The following VOPP1 variants were observed in gnomAD, a reference collection of about 807,000 sequenced individuals.
VOPP1 encodes WW domain binding protein VOPP1.
A neutral mutation model predicts 23.5 loss-of-function variants in VOPP1; 8 were observed. That is an observed-to-expected ratio of 0.34 (90% CI 0.20 to 0.61). The LOEUF (loss-of-function observed/expected upper bound fraction) is 0.61, where lower values mean the gene tolerates loss of function less well. Among genes scored for constraint, VOPP1 ranks in the 20% least tolerant of loss-of-function variants. The pLI is 0.78. For synonymous variants in VOPP1, 83 were observed against 97.3 expected (o/e 0.85, Z 0.86); for missense variants, 174 against 238.1 (o/e 0.73, Z 1.77).
At chr7:55,469,314 A>G (rs1217364245), downstream of VOPP1, among the ~76,000 whole-genome samples, 1 of 152,130 alleles carries the variant, frequency 6.6e-6, no homozygotes, top group Non-Finnish European at 1.5e-5. Context: ...CCTGAAGCTG[A>G]TGTATTTGAG....
intron 2 of VOPP1, among the ~76,000 whole-genome samples, chr7:55,507,429 C>A (rs1794803775): frequency 6.6e-6 from 1 of 151,986 alleles, no homozygotes; most frequent in African/African-American, 2.4e-5. Flanking sequence ...TTTTTTTTAA[C>A]AGCTTTATTG....
chr7:55,513,303 A>C (rs1203264888), intron 2 of VOPP1, among the ~76,000 whole-genome samples: 2 of 152,198 alleles, frequency 1.3e-5, no homozygotes, highest in Non-Finnish European at 2.9e-5. Context: ...GTACTAGGTA[A>C]GCCATGACAC....
intron 1 of VOPP1, among the ~76,000 whole-genome samples, chr7:55,571,264 T>G (rs1798344288): frequency 6.6e-6 from 1 of 152,188 alleles, no homozygotes; most frequent in Non-Finnish European, 1.5e-5. Flanking sequence ...CAGGAAACAC[T>G]TTTCCTCCAA....
chr7:55,497,573 G>C, intron 3 of VOPP1, 40 bp downstream of exon 3: 14 of 1,199,798 alleles, frequency 1.2e-5, no homozygotes, highest in East Asian at 2.7e-5. Context: ...GGGGGGGGCA[G>C]AGCTCTCGGG....
intron 4 of VOPP1, among the ~76,000 whole-genome samples, chr7:55,490,597 G>A (rs1226025294): frequency 6.6e-6 from 1 of 152,192 alleles, no homozygotes; most frequent in African/African-American, 2.4e-5. Context: ...CATGCCAAGT[G>A]GGGCAGGGGC....
At chr7:55,515,782 C>T (rs947203809) in intron 2 of VOPP1, among the ~76,000 whole-genome samples, 10 of 152,220 alleles carry the variant, frequency 6.6e-5, no homozygotes, top group African/African-American at 2.4e-4. Flanking sequence ...CCTGCAGACA[C>T]CTGAACATCG....
intron 1 of VOPP1, among the ~76,000 whole-genome samples, chr7:55,541,809 C>A (rs1282804618): frequency 6.6e-6 from 1 of 152,122 alleles, no homozygotes; most frequent in Non-Finnish European, 1.5e-5. Flanking sequence ...GAAGCCCGTC[C>A]TAAGGGACCA....
At chr7:55,496,686 A>C (rs1793978306) in intron 3 of VOPP1, among the ~76,000 whole-genome samples, 1 of 152,210 alleles carries the variant, frequency 6.6e-6, no homozygotes, top group Non-Finnish European at 1.5e-5. Flanking sequence ...AGGCTTCCCT[A>C]ATCAAACCCT....
intron 2 of VOPP1, among the ~76,000 whole-genome samples, chr7:55,515,381 G>C (rs1795337511): frequency 6.6e-6 from 1 of 152,210 alleles, no homozygotes; most frequent in Admixed American, 6.5e-5. Context: ...GCAGCGAGGT[G>C]AGTTTGTCCC....
At chr7:55,436,617 AGT>A (rs764332148) in intron 4 of VOPP1, among the ~76,000 whole-genome samples, 68 of 146,526 alleles carry the variant, frequency 4.6e-4, no homozygotes, top group South Asian at 1.5e-3. Flanking sequence ...TGTGTGCATG[AGT>A]GTGTGTGTGT....
At chr7:55,561,851 T>C (rs1401174332) in intron 1 of VOPP1, 1 of 653,502 alleles carries the variant, frequency 1.5e-6, no homozygotes, top group African/African-American at 1.8e-5. Flanking sequence ...ACTTAACTCA[T>C]ACCCAAGTGG....
chr7:55,537,409 A>G (rs1796862800), intron 1 of VOPP1: 12 of 1,510,444 alleles, frequency 7.9e-6, no homozygotes, highest in East Asian at 2.5e-5. Flanking sequence ...GAGGTAACAC[A>G]TAACTGCCCA....
intron 1 of VOPP1, among the ~76,000 whole-genome samples, chr7:55,533,320 C>T (rs1390260295): frequency 6.6e-6 from 1 of 152,160 alleles, no homozygotes; most frequent in African/African-American, 2.4e-5. Flanking sequence ...CCAAGGACAG[C>T]AGCAGAAATG....
At chr7:55,482,303 A>G (rs2129013677) in intron 4 of VOPP1, among the ~76,000 whole-genome samples, 1 of 151,688 alleles carries the variant, frequency 6.6e-6, no homozygotes, top group South Asian at 2.1e-4. Context: ...ACAAAAAAGA[A>G]CCTCCTGCTA....
At chr7:55,562,135 T>C (rs992168562) in intron 1 of VOPP1, 1 of 698,650 alleles carries the variant, frequency 1.4e-6, no homozygotes, top group Non-Finnish European at 2.6e-6. Flanking sequence ...CAGCCAACGC[T>C]GAGAATGGCA....
intron 2 of VOPP1, among the ~76,000 whole-genome samples, chr7:55,510,386 G>A (rs538191641): frequency 0.011 from 1,671 of 152,132 alleles, 11 homozygotes; most frequent in Middle Eastern, 0.02. Context: ...CATTCAGACC[G>A]CAATAAACTT....
intron 4 of VOPP1, among the ~76,000 whole-genome samples, chr7:55,488,632 C>G (rs1793322765): frequency 6.6e-6 from 1 of 152,166 alleles, no homozygotes; most frequent in Non-Finnish European, 1.5e-5. Context: ...CTGGTCCCAG[C>G]AGGAGCGCCA....
intron 1 of VOPP1, among the ~76,000 whole-genome samples, chr7:55,552,483 A>G (rs1177878168): frequency 6.6e-6 from 1 of 152,212 alleles, no homozygotes; most frequent in Non-Finnish European, 1.5e-5. Flanking sequence ...ATTATTTTTC[A>G]GACCTACACA....
At chr7:55,477,000 T>A (rs150752188) in intron 4 of VOPP1, among the ~76,000 whole-genome samples, 158 of 152,290 alleles carry the variant, frequency 1.0e-3, no homozygotes, top group Admixed American at 3.0e-3. Flanking sequence ...AGATAACATA[T>A]CCCAGGCTTT....
Sources: gnomAD v4.1 joint callset for allele counts (sites outside exome capture counted in the v4.1 genomes callset) on GRCh38, gnomAD v4.1.1 for gene constraint, MANE v1.5 for transcripts, NCBI Gene and HGNC (gene_info 2026-07-23, HGNC 2026-07-21) for gene names.